Variants in FBN2 observed in about 807,000 individuals in gnomAD.
FBN2 encodes fibrillin 2.
A neutral mutation model predicts 355.6 loss-of-function variants in FBN2; 105 were observed. That is an observed-to-expected ratio of 0.30 (90% CI 0.25 to 0.35). The LOEUF (loss-of-function observed/expected upper bound fraction) is 0.35. Ranked by LOEUF, FBN2 falls within the 10% of genes least tolerant of loss-of-function variation. The probability of loss-of-function intolerance (pLI) is 1.00; values close to 1 mark genes in which losing one functional copy is unlikely to be tolerated. For synonymous variants in FBN2, 1,350 were observed against 1,301.2 expected, an observed-to-expected ratio of 1.04 and a Z score of -0.81; for missense variants, 3,280 against 3,758.7, an observed-to-expected ratio of 0.87 and a Z score of 3.33.
intron 8 of FBN2, among the ~76,000 whole-genome samples, chr5:128,400,301 AC>A (rs1752763891): frequency 6.6e-6 from 1 of 152,116 alleles, no homozygotes; most frequent in Non-Finnish European, 1.5e-5. Flanking sequence ...TAATTTTAAA[AC>A]GGTTCAATTC....
intron 64 of FBN2, among the ~76,000 whole-genome samples, chr5:128,260,912 G>C (rs1764949488): frequency 6.6e-6 from 1 of 152,102 alleles, no homozygotes; most frequent in Non-Finnish European, 1.5e-5. Flanking sequence ...TACTGTCTCA[G>C]ATCTTTGGGA....
Position 128,463,795 on chromosome 5 carries a change from TG to T in FBN2, c.826+928del, listed in dbSNP as rs781440732. Reference sequence around the variant, plus strand: ...GTGACACAGCTTACTAACATCAATTTGAAAGACTTTGGATCTAACTTTGTGC... The same window carrying T: ...GTGACACAGCTTACTAACATCAATTTAAAGACTTTGGATCTAACTTTGTGC... On this transcript the variant is annotated intron_variant, in intron 6 of 64. Transcript: ENST00000262464. Among the ~76,000 whole-genome samples, 4 of 152,192 alleles carry T rather than the reference TG, an allele frequency of 2.6e-5. No individual in the cohort carries two copies. In the South Asian group the frequency reaches 8.3e-4, roughly 31 times the overall value.
At chr5:128,268,293 G>A (rs1461935978) in intron 62 of FBN2, among the ~76,000 whole-genome samples, 1 of 152,042 alleles carries the variant, frequency 6.6e-6, no homozygotes, top group Non-Finnish European at 1.5e-5. Context: ...ATAAATTCCT[G>A]GACACATACA....
chr5:128,434,494 A>G (rs1418407784), intron 7 of FBN2, among the ~76,000 whole-genome samples: 1 of 147,750 alleles, frequency 6.8e-6, no homozygotes, highest in Non-Finnish European at 1.5e-5. Context: ...AAGTTTTGTT[A>G]CATTTTTATT....
chr5:128,431,505 C>T (rs1434553897), intron 7 of FBN2, among the ~76,000 whole-genome samples: 1 of 152,180 alleles, frequency 6.6e-6, no homozygotes, highest in East Asian at 1.9e-4. Flanking sequence ...GTTTGAGGTA[C>T]AACAGCAAAA....
chr5:128,334,880 C>T, intron 30 of FBN2, 36 bp from the exon 31 acceptor site: 1 of 1,568,938 alleles, frequency 6.4e-7, no homozygotes, highest in Non-Finnish European at 8.8e-7. Context: ...AGTATGTGCT[C>T]ATCACAGTAA....
chr5:128,537,866 T>A lies in FBN2; in HGVS notation c.-263A>T. The A allele has an allele frequency of 1.7e-6, 1 of 575,920 alleles. No individual in the cohort carries two copies. Among genetic ancestry groups the A allele is most frequent in the Non-Finnish European group, 3.1e-6 (1 of 323,518 alleles). 35.7% of individuals were successfully genotyped at this position (575,920 alleles called of 1,614,324 possible). A position where few individuals can be genotyped will look rare whatever the true frequency, so the allele number is the denominator to read the frequency against. On this transcript the variant is annotated 5_prime_UTR_variant, in exon 1 of 65. Transcript: ENST00000262464. ...AGGTGCAGCCGGCAGCCCCGAGCGG[T>A]ACACGTTGCATAACCGGCCTAAAGC...
At chr5:128,485,254 C>A (rs1022570628) in intron 5 of FBN2, among the ~76,000 whole-genome samples, 1 of 152,106 alleles carries the variant, frequency 6.6e-6, no homozygotes, top group Non-Finnish European at 1.5e-5. Flanking sequence ...AACTCCTGGG[C>A]TCAAGCAATC....
chr5:128,271,476 T>A (rs1765265425), intron 62 of FBN2, among the ~76,000 whole-genome samples: 1 of 152,230 alleles, frequency 6.6e-6, no homozygotes, highest in African/African-American at 2.4e-5. Flanking sequence ...GTATTTTATT[T>A]TACAAACACT....
chr5:128,264,410 C>T (rs887885735), intron 62 of FBN2, among the ~76,000 whole-genome samples: 30 of 152,166 alleles, frequency 2.0e-4, no homozygotes, highest in Admixed American at 1.7e-3. Context: ...AGGTTTGCAT[C>T]CAGCCATCAG....
intron 5 of FBN2, among the ~76,000 whole-genome samples, chr5:128,503,205 C>A (rs1226485137): frequency 6.6e-6 from 1 of 152,220 alleles, no homozygotes; most frequent in Non-Finnish European, 1.5e-5. Context: ...GATCCTCATT[C>A]ACCTTCTGCC....
intron 63 of FBN2, 49 bp downstream of exon 63, chr5:128,263,376 C>G: frequency 7.0e-7 from 1 of 1,429,170 alleles, no homozygotes; most frequent in Admixed American, 1.7e-5. Context: ...CCTGAACTCA[C>G]TCAGGAACCA....
intron 11 of FBN2, among the ~76,000 whole-genome samples, chr5:128,385,240 T>C (rs1752336158): frequency 6.6e-6 from 1 of 152,064 alleles, no homozygotes; most frequent in Non-Finnish European, 1.5e-5. Context: ...GGCCCTAGTG[T>C]CTCTTGTTCC....
Position 128,301,480 on chromosome 5 carries a change from T to C in FBN2, c.5948A>G (p.Gln1983Arg). Residue 1983 changes from glutamine (Q) to arginine (R), a missense_variant, in exon 47 of 65, where the codon CAG becomes CGG. Transcript: ENST00000262464. ...AAAACAACGTCCATTTCTGCACACCTGACCAAAAAAGGAACTGCACTCATC... is the reference window on the plus strand; with the variant it reads ...AAAACAACGTCCATTTCTGCACACCCGACCAAAAAAGGAACTGCACTCATC... ...DIDECSSFFG[Q>R]VCRNGRCFNE... is the part of the protein sequence containing the mutation. 1 of 1,613,526 alleles carries C rather than the reference T, an allele frequency of 6.2e-7. No individual in the cohort carries two copies. Among genetic ancestry groups the C allele is most frequent in the East Asian group, 2.2e-5 (1 of 44,816 alleles).
intron 5 of FBN2, among the ~76,000 whole-genome samples, chr5:128,513,108 A>G (rs1247530930): frequency 6.6e-6 from 1 of 152,244 alleles, no homozygotes; most frequent in Non-Finnish European, 1.5e-5. Context: ...CACACTGCCT[A>G]TTGTGTGTCA....
At chr5:128,513,269 C>T (rs1756181455) in intron 5 of FBN2, among the ~76,000 whole-genome samples, 2 of 152,202 alleles carry the variant, frequency 1.3e-5, no homozygotes, top group South Asian at 4.1e-4. Flanking sequence ...TAACTTCCCC[C>T]ATATACATGC....
At chr5:128,307,097 C>T (rs771982830) in intron 42 of FBN2, 38 bp downstream of exon 42, 1 of 1,233,270 alleles carries the variant, frequency 8.1e-7, no homozygotes, top group South Asian at 1.2e-5. Context: ...GAATGCTACA[C>T]ATATGTATTA....
chr5:128,514,993 A>T (rs1756241447), intron 5 of FBN2, among the ~76,000 whole-genome samples: 1 of 152,140 alleles, frequency 6.6e-6, no homozygotes. Context: ...CATACTACTA[A>T]TTTGCTATGT....
In FBN2 at chr5:128,305,000, G is replaced by A; in HGVS notation, c.5757C>T (p.Cys1919=). 1 of 1,613,744 alleles carries A rather than the reference G, an allele frequency of 6.2e-7. No homozygotes were observed. Among genetic ancestry groups the A allele is most frequent in the South Asian group, 1.1e-5 (1 of 91,064 alleles). ...VDLQGSYQCI[C]HNGFKASQDQ... is the part of the protein sequence containing the mutation. ...CCTGAGAAGCCTTAAAGCCATTGTG[G>A]CAGATGCACTGGTAACTTCCTTGCA... The change falls in exon 45 of 65, where the codon TGC becomes TGT. Residue 1919 remains cysteine, a synonymous_variant. Coordinates refer to ENST00000262464, the MANE Select transcript of FBN2 (RefSeq NM_001999.4).
Sources: gnomAD v4.1 joint callset for allele counts (sites outside exome capture counted in the v4.1 genomes callset) on GRCh38, gnomAD v4.1.1 for gene constraint, MANE v1.5 for transcripts, NCBI Gene and HGNC (gene_info 2026-07-23, HGNC 2026-07-21) for gene names.